SNTG1: variants seen among roughly 807,000 people sequenced by gnomAD.
SNTG1 encodes the protein syntrophin gamma 1.
In SNTG1, 39 loss-of-function variants were observed where a neutral mutation model predicts 74.7. That is an observed-to-expected ratio of 0.52 (90% CI 0.40 to 0.68). SNTG1 has a LOEUF of 0.68. SNTG1 is among the 30% of genes least tolerant of loss of function. The probability of loss-of-function intolerance (pLI) is 0.00; values close to 1 mark genes in which losing one functional copy is unlikely to be tolerated. For synonymous variants in SNTG1, 254 were observed against 217.1 expected, an observed-to-expected ratio of 1.17 and a Z score of -1.49; for missense variants, 685 against 609.5, an observed-to-expected ratio of 1.12 and a Z score of -1.30.
chr8:50,374,486 C>G (rs1470580724), intron 2 of SNTG1, among the ~76,000 whole-genome samples: 2 of 152,174 alleles, frequency 1.3e-5, no homozygotes, highest in Non-Finnish European at 2.9e-5. Context: ...GGCAGCTCAA[C>G]TGTTGTAAGG....
chr8:50,418,157 T>C (rs1487313923), intron 4 of SNTG1, among the ~76,000 whole-genome samples: 2 of 152,164 alleles, frequency 1.3e-5, no homozygotes, highest in Non-Finnish European at 2.9e-5. Context: ...ATTGAAGTGA[T>C]TGTTTCTTTG....
At chr8:50,525,146 T>A (rs1258651681) in intron 9 of SNTG1, among the ~76,000 whole-genome samples, 4 of 152,126 alleles carry the variant, frequency 2.6e-5, no homozygotes, top group Non-Finnish European at 1.5e-5. Flanking sequence ...TTGCTGGGTA[T>A]GGTATTCTAG....
intron 13 of SNTG1, among the ~76,000 whole-genome samples, chr8:50,594,315 C>T (rs1027737036): frequency 6.6e-6 from 1 of 152,128 alleles, no homozygotes; most frequent in Non-Finnish European, 1.5e-5. Flanking sequence ...AAATATATCT[C>T]ATTCCTCCCA....
intron 18 of SNTG1, among the ~76,000 whole-genome samples, chr8:50,753,493 A>G (rs1298627657): frequency 6.6e-6 from 1 of 151,932 alleles, no homozygotes; most frequent in Non-Finnish European, 1.5e-5. Context: ...TCAGTTGCTT[A>G]CCCCAACACT....
intron 2 of SNTG1, among the ~76,000 whole-genome samples, chr8:50,249,703 A>T (rs757755516): frequency 1.1e-4 from 16 of 152,180 alleles, no homozygotes; most frequent in Admixed American, 2.0e-4. Context: ...AATCTCACAC[A>T]TCACAATCAA....
chr8:50,196,707 A>G (rs2083781975), intron 2 of SNTG1, among the ~76,000 whole-genome samples: 1 of 151,892 alleles, frequency 6.6e-6, no homozygotes, highest in Admixed American at 6.6e-5. Flanking sequence ...TTGTAATCCC[A>G]GGACTTCGAG....
chr8:50,280,233 G>C (rs1162544786), intron 2 of SNTG1, among the ~76,000 whole-genome samples: 1 of 152,172 alleles, frequency 6.6e-6, no homozygotes, highest in Non-Finnish European at 1.5e-5. Flanking sequence ...CTCATAATTT[G>C]TTGAAGAGGC....
In SNTG1 at chr8:50,737,286, T is replaced by A. The variant is rs144448793; in HGVS notation, c.1285-14715T>A. ...CCAGAGAATACTATAAACAGCTCTATTCAAATAAACCAGAAAATGTAGAAT... is the reference window on the plus strand; with the variant it reads ...CCAGAGAATACTATAAACAGCTCTAATCAAATAAACCAGAAAATGTAGAAT... On this transcript the variant is annotated intron_variant, in intron 17 of 18. Transcript: ENST00000642720. Among the ~76,000 whole-genome samples, 197 of 152,150 alleles carry A rather than the reference T, an allele frequency of 1.3e-3. 1 individual carries two copies. Among genetic ancestry groups the A allele is most frequent in the Middle Eastern group, 3.4e-3 (1 of 294 alleles).
intron 1 of SNTG1, among the ~76,000 whole-genome samples, chr8:50,033,831 G>A (rs1316086161): frequency 6.6e-6 from 1 of 152,070 alleles, no homozygotes; most frequent in African/African-American, 2.4e-5. Context: ...GGGGGTTAGG[G>A]ATTTAACATA....
intron 1 of SNTG1, among the ~76,000 whole-genome samples, chr8:50,082,970 C>T (rs1048578840): frequency 2.0e-5 from 3 of 152,138 alleles, no homozygotes; most frequent in African/African-American, 7.2e-5. Flanking sequence ...TTTTCAATTG[C>T]CACTGAGATT....
chr8:50,030,393 G>C (rs922807613), intron 1 of SNTG1, among the ~76,000 whole-genome samples: 1 of 151,810 alleles, frequency 6.6e-6, no homozygotes, highest in African/African-American at 2.4e-5. Context: ...GTGCTTTTGA[G>C]GTATTACTCT....
rs2087065503 is a variant in SNTG1, at chr8:50,259,519, AGAAAGAAAGAAAGAAAGAAAGAAAG to A, written c.-28+86885_-28+86909del. On this transcript the variant is annotated intron_variant, in intron 2 of 18. Coordinates refer to ENST00000642720, the MANE Select transcript of SNTG1 (RefSeq NM_018967.5). ...GTCTCAAAAAAAAAAAAAGAAAGAA[AGAAAGAAAGAAAGAAAGAAAGAAAG>A]AAAGAAAGAAAGAAAGAAAGAAAGA... Among the ~76,000 whole-genome samples, 34 of 14,132 alleles carry A rather than the reference AGAAAGAAAGAAAGAAAGAAAGAAAG, an allele frequency of 2.4e-3. 5 individuals are homozygous for A. Among genetic ancestry groups the A allele is most frequent in the South Asian group, 0.018 (4 of 222 alleles). 9.3% of individuals were successfully genotyped at this position (14,132 alleles called of 152,430 possible).
At chr8:50,772,816 T>A (rs1403190326) in intron 18 of SNTG1, among the ~76,000 whole-genome samples, 3 of 152,112 alleles carry the variant, frequency 2.0e-5, no homozygotes, top group African/African-American at 7.2e-5. Context: ...GTGGGTGAGA[T>A]CTTACTCTTG....
chr8:50,635,443 A>G (rs1196715895), intron 13 of SNTG1, among the ~76,000 whole-genome samples: 1 of 152,092 alleles, frequency 6.6e-6, no homozygotes, highest in East Asian at 1.9e-4. Flanking sequence ...CTGGAGTCAG[A>G]AACCTTAGAA....
At chr8:50,757,359 T>C (rs2095583068) in intron 18 of SNTG1, among the ~76,000 whole-genome samples, 1 of 152,016 alleles carries the variant, frequency 6.6e-6, no homozygotes, top group East Asian at 1.9e-4. Context: ...TTGTATGCTC[T>C]ATTATCAGGT....
At chr8:50,590,501 C>A (rs1388774178) in intron 12 of SNTG1, among the ~76,000 whole-genome samples, 1 of 152,036 alleles carries the variant, frequency 6.6e-6, no homozygotes, top group Non-Finnish European at 1.5e-5. Context: ...TCCCTGTTCT[C>A]TTGAGTGCTA....
chr8:50,309,901 T>C (rs764662406), intron 2 of SNTG1, among the ~76,000 whole-genome samples: 6 of 152,242 alleles, frequency 3.9e-5, no homozygotes, highest in East Asian at 1.9e-4. Flanking sequence ...CCAAAAAATA[T>C]TGGACTGAGA....
At chr8:50,317,876 G>A (rs955385638) in intron 2 of SNTG1, among the ~76,000 whole-genome samples, 2 of 151,956 alleles carry the variant, frequency 1.3e-5, no homozygotes, top group South Asian at 2.1e-4. Flanking sequence ...TCGCTCTGTC[G>A]CCCAGGCTTG....
At chr8:50,230,272 T>C (rs1329214047) in intron 2 of SNTG1, among the ~76,000 whole-genome samples, 1 of 150,694 alleles carries the variant, frequency 6.6e-6, no homozygotes. Flanking sequence ...CAAAAATCTG[T>C]TTCTTGGAAA....
Sources: allele counts gnomAD v4.1 joint callset (sites outside exome capture counted in the v4.1 genomes callset), GRCh38; gene constraint gnomAD v4.1.1; transcripts MANE v1.5; gene names NCBI Gene and HGNC (gene_info 2026-07-23, HGNC 2026-07-21).